Variants in THADA observed in about 807,000 individuals in gnomAD.
THADA encodes THADA armadillo repeat containing.
Under a neutral mutation model 219.8 loss-of-function variants are expected in THADA, and 213 were observed. The observed-to-expected ratio is 0.97, with a 90% confidence interval of 0.87 to 1.09. THADA has a LOEUF of 1.09. THADA is among the 50% of genes least tolerant of loss of function. THADA has a pLI of 0.00. For missense variants in THADA, 2,956 were observed against 2,311.3 expected, an observed-to-expected ratio of 1.28 and a Z score of -5.72; for synonymous variants, 1,018 against 828.9, an observed-to-expected ratio of 1.23 and a Z score of -3.92.
intron 29 of THADA, among the ~76,000 whole-genome samples, chr2:43,363,872 C>T (rs2104597281): frequency 6.6e-6 from 1 of 152,250 alleles, no homozygotes; most frequent in East Asian, 1.9e-4. Flanking sequence ...CTGCAGTGAG[C>T]CATGATGGCA....
chr2:43,280,322 A>G (rs897233661), intron 35 of THADA, among the ~76,000 whole-genome samples: 1 of 152,186 alleles, frequency 6.6e-6, no homozygotes, highest in Non-Finnish European at 1.5e-5. Context: ...AATCAAGATT[A>G]TGCTCTGGGG....
intron 34 of THADA, among the ~76,000 whole-genome samples, chr2:43,291,132 T>A (rs1674647009): frequency 6.6e-6 from 1 of 151,828 alleles, no homozygotes; most frequent in South Asian, 2.1e-4. Flanking sequence ...GGTTCTGTTA[T>A]CCCTTTGAAC....
intron 34 of THADA, among the ~76,000 whole-genome samples, chr2:43,291,321 C>T (rs1033277524): frequency 6.6e-6 from 1 of 151,530 alleles, no homozygotes; most frequent in African/African-American, 2.4e-5. Flanking sequence ...CGTGCTGGCA[C>T]AAGCCTGTAA....
chr2:43,287,311 T>C (rs1315904955), intron 34 of THADA, among the ~76,000 whole-genome samples: 1 of 152,170 alleles, frequency 6.6e-6, no homozygotes, highest in African/African-American at 2.4e-5. Flanking sequence ...TTTTTTTGGT[T>C]TGAGGCAAGG....
intron 26 of THADA, among the ~76,000 whole-genome samples, chr2:43,450,070 T>C (rs558217264): frequency 5.9e-5 from 9 of 152,224 alleles, no homozygotes; most frequent in Admixed American, 2.0e-4. Context: ...GGACAGGAAC[T>C]TGAAGTCACA....
intron 29 of THADA, among the ~76,000 whole-genome samples, chr2:43,395,902 G>A (rs184032427): frequency 1.3e-5 from 2 of 152,026 alleles, no homozygotes; most frequent in Non-Finnish European, 2.9e-5. Context: ...GACTACAGGC[G>A]TGCACCACCA....
intron 36 of THADA, among the ~76,000 whole-genome samples, chr2:43,266,598 C>T (rs1671546627): frequency 6.6e-6 from 1 of 152,014 alleles, no homozygotes; most frequent in African/African-American, 2.4e-5. Context: ...GTGAGACTCC[C>T]TCTCAAAAAC....
At chr2:43,515,319 T>G (rs868439699) in intron 22 of THADA, among the ~76,000 whole-genome samples, 561 of 9,560 alleles carry the variant, frequency 0.059, 25 homozygotes, top group Non-Finnish European at 0.1. Context: ...TATAATATTT[T>G]ATATATAATA....
chr2:43,544,318 A>G (rs1398397370), intron 20 of THADA, among the ~76,000 whole-genome samples: 5 of 152,216 alleles, frequency 3.3e-5, no homozygotes, highest in African/African-American at 1.2e-4. Flanking sequence ...TGATGCCTCC[A>G]GCTTTGTTCT....
At chr2:43,577,280 T>C (rs777319723) in intron 9 of THADA, 38 bp from the exon 10 acceptor site, 14 of 1,477,428 alleles carry the variant, frequency 9.5e-6, no homozygotes, top group East Asian at 2.5e-5. Context: ...CATAAAGCTT[T>C]TAAAACTTTT....
intron 31 of THADA, among the ~76,000 whole-genome samples, chr2:43,312,208 CAA>C (rs35043804): frequency 1.1e-3 from 125 of 117,788 alleles, no homozygotes; most frequent in Admixed American, 1.1e-3. Flanking sequence ...GACAAAGCTG[CAA>C]AAAAAAAAAA....
At chr2:43,358,318 G>A (rs1669105156) in intron 29 of THADA, among the ~76,000 whole-genome samples, 1 of 152,080 alleles carries the variant, frequency 6.6e-6, no homozygotes, top group African/African-American at 2.4e-5. Context: ...AGGTAGGTGT[G>A]TGGTATTTTC....
At chr2:43,566,267 C>T (rs1160935552) in intron 15 of THADA, 3 of 501,338 alleles carry the variant, frequency 6.0e-6, no homozygotes, top group Non-Finnish European at 1.1e-5. Flanking sequence ...CGAAACCAGA[C>T]TGAGGCACAT....
intron 21 of THADA, among the ~76,000 whole-genome samples, chr2:43,539,732 C>T (rs941350073): frequency 3.3e-5 from 5 of 151,828 alleles, no homozygotes; most frequent in Non-Finnish European, 7.4e-5. Flanking sequence ...CAGTCAGGAT[C>T]TTATTTTTTA....
chr2:43,440,758 T>C (rs1036790849), intron 26 of THADA, among the ~76,000 whole-genome samples: 1 of 152,204 alleles, frequency 6.6e-6, no homozygotes, highest in African/African-American at 2.4e-5. Context: ...ACACACGTAA[T>C]CTCACTTATG....
intron 36 of THADA, among the ~76,000 whole-genome samples, chr2:43,239,140 C>G (rs142202625): frequency 7.2e-5 from 11 of 152,178 alleles, no homozygotes; most frequent in Middle Eastern, 3.2e-3. Flanking sequence ...ATTGGTTAAT[C>G]TGGTGCCTTC....
At chr2:43,287,746 C>T (rs984006476) in intron 34 of THADA, among the ~76,000 whole-genome samples, 1 of 152,092 alleles carries the variant, frequency 6.6e-6, no homozygotes, top group Non-Finnish European at 1.5e-5. Context: ...GTAAAAGAAC[C>T]CCAGATTCTT....
At chr2:43,501,746 C>T (rs1558865374) in intron 24 of THADA, among the ~76,000 whole-genome samples, 1 of 152,140 alleles carries the variant, frequency 6.6e-6, no homozygotes, top group Admixed American at 6.5e-5. Flanking sequence ...GAGTTCAAGA[C>T]CAGTCTGGCC....
intron 29 of THADA, among the ~76,000 whole-genome samples, chr2:43,360,457 C>A (rs1037907325): frequency 6.6e-6 from 1 of 152,190 alleles, no homozygotes; most frequent in African/African-American, 2.4e-5. Context: ...GTCCTCAAGA[C>A]TGGAATATGT....
Sources: allele counts gnomAD v4.1 joint callset (sites outside exome capture counted in the v4.1 genomes callset), GRCh38; gene constraint gnomAD v4.1.1; transcripts MANE v1.5; gene names NCBI Gene and HGNC (gene_info 2026-07-23, HGNC 2026-07-21).